TENM2: variants seen among roughly 807,000 people sequenced by gnomAD.
TENM2 encodes the protein teneurin transmembrane protein 2, also known as teneurin-2.
TENM2 carries 52 observed loss-of-function variants against 245.2 expected under a neutral mutation model. That is an observed-to-expected ratio of 0.21 (90% confidence interval 0.17 to 0.27). The LOEUF (loss-of-function observed/expected upper bound fraction) is 0.27, where lower values mean the gene tolerates loss of function less well. Among genes scored for constraint, TENM2 ranks in the 10% least tolerant of loss-of-function variants. The probability of loss-of-function intolerance (pLI) is 1.00; values close to 1 mark genes in which losing one functional copy is unlikely to be tolerated. For missense variants in TENM2, 3,046 were observed against 3,666.8 expected (o/e 0.83, Z 4.37); for synonymous variants, 1,363 against 1,438.9 (o/e 0.95, Z 1.19).
chr5:167,275,198 T>C, the TENM2 span, among the ~76,000 whole-genome samples: 1 of 152,058 alleles, frequency 6.6e-6, no homozygotes, highest in Non-Finnish European at 1.5e-5. Flanking sequence ...TGTACCTGGG[T>C]TCTCTATTGT....
At chr5:167,532,682 T>A (rs935524055) in intron 2 of TENM2, among the ~76,000 whole-genome samples, 7 of 151,480 alleles carry the variant, frequency 4.6e-5, no homozygotes, top group African/African-American at 1.7e-4. Context: ...AAACCGTATC[T>A]CCTATATGTG....
At chr5:167,501,153 C>G (rs1454290977) in intron 2 of TENM2, among the ~76,000 whole-genome samples, 1 of 152,126 alleles carries the variant, frequency 6.6e-6, no homozygotes, top group African/African-American at 2.4e-5. Flanking sequence ...TGCCTTGGTT[C>G]AAGATTCTCC....
At chr5:167,327,611 C>T (rs375307300) in intron 1 of TENM2, among the ~76,000 whole-genome samples, 29 of 152,138 alleles carry the variant, frequency 1.9e-4, no homozygotes, top group East Asian at 7.7e-4. Context: ...AAAACCTCCC[C>T]GAGGATTTAC....
chr5:167,490,292 G>T (rs1029777967), intron 2 of TENM2, among the ~76,000 whole-genome samples: 3 of 151,998 alleles, frequency 2.0e-5, no homozygotes, highest in African/African-American at 4.8e-5. Flanking sequence ...AATAACTTTA[G>T]ATTTATAAAA....
intron 2 of TENM2, among the ~76,000 whole-genome samples, chr5:167,505,469 T>C (rs937720134): frequency 2.0e-5 from 3 of 152,322 alleles, no homozygotes; most frequent in Middle Eastern, 3.4e-3. Context: ...AAGGGATTTA[T>C]GTGGATACAA....
intron 25 of TENM2, among the ~76,000 whole-genome samples, chr5:168,236,391 C>T (rs975709926): frequency 6.6e-6 from 1 of 152,196 alleles, no homozygotes; most frequent in Admixed American, 6.5e-5. Context: ...TGAAAACAGC[C>T]ATGCTCTGCC....
Position 167,798,759 on chromosome 5 carries a change from A to C in TENM2, c.503-77227A>C, listed in dbSNP as rs114726361. 4.7e-3 allele frequency among the ~76,000 whole-genome samples: 712 copies of C among 152,314 alleles called. 4 individuals carry two copies. The highest frequency in any genetic ancestry group is 0.016 in the African/African-American group (661 of 41,556). On this transcript the variant is annotated intron_variant, in intron 2 of 28. Coordinates refer to ENST00000518659, the Ensembl canonical transcript of TENM2. ...TTTAGTCAGCTTTTACTGTCCTCAG[A>C]GGCTCTGTGTTTATGCTAGATCTTA...
chr5:167,008,117 G>C, the TENM2 span, among the ~76,000 whole-genome samples: 1 of 152,246 alleles, frequency 6.6e-6, no homozygotes, highest in South Asian at 2.1e-4. Context: ...CTATCTCAGG[G>C]TCTGTTTCTG....
At chr5:167,989,613 G>A (rs1783519131) in intron 4 of TENM2, among the ~76,000 whole-genome samples, 1 of 152,148 alleles carries the variant, frequency 6.6e-6, no homozygotes, top group South Asian at 2.1e-4. Flanking sequence ...GGCATGGAAG[G>A]ATAACCACGG....
intron 7 of TENM2, among the ~76,000 whole-genome samples, chr5:168,074,876 C>T (rs1315289584): frequency 6.6e-6 from 1 of 152,166 alleles, no homozygotes. Context: ...ATGCTTTATG[C>T]TTTATTTTTC....
chr5:166,997,649 G>C, the TENM2 span, among the ~76,000 whole-genome samples: 1 of 152,166 alleles, frequency 6.6e-6, no homozygotes, highest in Non-Finnish European at 1.5e-5. Context: ...GTACACAGAA[G>C]TACAGAGACC....
chr5:167,969,706 T>A (rs1202235064), intron 4 of TENM2, among the ~76,000 whole-genome samples: 1 of 152,174 alleles, frequency 6.6e-6, no homozygotes, highest in Non-Finnish European at 1.5e-5. Context: ...CTTGTGGGAT[T>A]TTTATGGTAA....
At chr5:167,500,027 G>GGTGT (rs145940706) in intron 2 of TENM2, among the ~76,000 whole-genome samples, 5 of 136,730 alleles carry the variant, frequency 3.7e-5, no homozygotes, top group Admixed American at 2.2e-4. Flanking sequence ...TGTATGTGAG[G>GGTGT]GTGTGTGTGT....
intron 2 of TENM2, among the ~76,000 whole-genome samples, chr5:167,706,276 T>C (rs1236372909): frequency 6.8e-6 from 1 of 146,596 alleles, no homozygotes; most frequent in Non-Finnish European, 1.5e-5. Context: ...TGATATATAT[T>C]ATGATAAGTA....
chr5:168,204,441 T>C (rs1762191057), exon 19 of TENM2: 1 of 1,613,982 alleles, frequency 6.2e-7, no homozygotes, highest in Non-Finnish European at 8.5e-7. Context: ...ACCAGCATCA[T>C]GGGCAATGGT....
At chr5:167,555,827 G>A (rs568182810) in intron 2 of TENM2, among the ~76,000 whole-genome samples, 6 of 151,906 alleles carry the variant, frequency 3.9e-5, no homozygotes, top group Non-Finnish European at 8.8e-5. Flanking sequence ...AAAGCTGCAC[G>A]GCACCCTCTG....
At chr5:167,254,371 C>A in the TENM2 span, among the ~76,000 whole-genome samples, 17 of 152,144 alleles carry the variant, frequency 1.1e-4, 1 homozygote, top group Admixed American at 1.0e-3. Flanking sequence ...AGAGAAAGCA[C>A]TCTCCTCCCT....
At chr5:167,505,127 T>C (rs1191708783) in intron 2 of TENM2, among the ~76,000 whole-genome samples, 1 of 152,156 alleles carries the variant, frequency 6.6e-6, no homozygotes, top group Non-Finnish European at 1.5e-5. Context: ...GCTGCCTCAG[T>C]ACCATTGTAT....
intron 1 of TENM2, among the ~76,000 whole-genome samples, chr5:167,315,613 T>C (rs926136146): frequency 6.6e-6 from 1 of 151,928 alleles, no homozygotes; most frequent in African/African-American, 2.4e-5. Flanking sequence ...CAATAACAGG[T>C]ATAGTGAGGA....
Sources: gnomAD v4.1 joint callset for allele counts (sites outside exome capture counted in the v4.1 genomes callset) on GRCh38, gnomAD v4.1.1 for gene constraint, MANE v1.5 for transcripts, NCBI Gene and HGNC (gene_info 2026-07-23, HGNC 2026-07-21) for gene names.